The following KCNN1 variants were observed in gnomAD, a reference collection of about 807,000 sequenced individuals.
KCNN1 encodes the protein potassium calcium-activated channel subfamily N member 1, also known as small conductance calcium-activated potassium channel protein 1.
Under a neutral mutation model 44.7 loss-of-function variants are expected in KCNN1, and 20 were observed. The observed-to-expected ratio is 0.45, with a 90% CI of 0.32 to 0.65. The LOEUF (loss-of-function observed/expected upper bound fraction) is 0.65, where lower values mean the gene tolerates loss of function less well. Ranked by LOEUF, KCNN1 falls within the 30% of genes least tolerant of loss-of-function variation. KCNN1 has a pLI of 0.05. For missense variants in KCNN1, 632 were observed against 785.3 expected (o/e 0.80, Z 2.33); for synonymous variants, 324 against 341.7 (o/e 0.95, Z 0.57).
chr19:17,955,134 T>A (rs901591013), intron 2 of KCNN1, among the ~76,000 whole-genome samples: 1 of 147,052 alleles, frequency 6.8e-6, no homozygotes, highest in African/African-American at 2.5e-5. Flanking sequence ...TCCTAGCTAC[T>A]CGGAAGGCTA....
chr19:17,953,212 C>G (rs1287204692), intron 1 of KCNN1, among the ~76,000 whole-genome samples: 3 of 152,180 alleles, frequency 2.0e-5, no homozygotes, highest in African/African-American at 7.2e-5. Context: ...AAGACCTCAT[C>G]AAAGGAAATC....
At chr19:17,967,097 C>T, upstream of KCNN1, 1 of 980,500 alleles carries the variant, frequency 1.0e-6, no homozygotes, top group Non-Finnish European at 1.2e-6. Context: ...CCTTCTCTCC[C>T]GGCCCGGGCG....
At chr19:17,967,952 TG>T (rs1363538152) in intron 1 of KCNN1, among the ~76,000 whole-genome samples, 1 of 150,070 alleles carries the variant, frequency 6.7e-6, no homozygotes, top group Non-Finnish European at 1.5e-5. Flanking sequence ...CGGGTGGTGA[TG>T]GGGGGATCGG....
At chr19:17,991,027 CTGCT>C (rs1471083142) in intron 7 of KCNN1, among the ~76,000 whole-genome samples, 1 of 151,698 alleles carries the variant, frequency 6.6e-6, no homozygotes, top group Admixed American at 6.6e-5. Context: ...CCTCAAATGA[CTGCT>C]TGGTTGGGCA....
At chr19:17,964,293 G>C (rs1600006004), upstream of KCNN1, among the ~76,000 whole-genome samples, 1 of 152,232 alleles carries the variant, frequency 6.6e-6, no homozygotes, top group African/African-American at 2.4e-5. The surrounding 1 kb of genome is among the most constrained non-coding windows in gnomAD (Gnocchi z 4.3). Flanking sequence ...GGGGATGGAG[G>C]TGTAGGGAGA....
At chr19:17,975,754 T>C (rs2032186000) in intron 3 of KCNN1, among the ~76,000 whole-genome samples, 1 of 152,068 alleles carries the variant, frequency 6.6e-6, no homozygotes, top group African/African-American at 2.4e-5. Flanking sequence ...GGTCTCACTC[T>C]GTTGCCCAGG....
At chr19:17,953,707 C>G (rs962045541) in intron 1 of KCNN1, among the ~76,000 whole-genome samples, 3 of 152,148 alleles carry the variant, frequency 2.0e-5, no homozygotes, top group African/African-American at 7.2e-5. Flanking sequence ...TTTGGAAGGG[C>G]GAGGCAAGCT....
intron 4 of KCNN1, among the ~76,000 whole-genome samples, chr19:17,984,162 C>CAAAAAAAAA (rs527690149): frequency 7.2e-6 from 1 of 139,306 alleles, no homozygotes; most frequent in Non-Finnish European, 1.6e-5. Flanking sequence ...GATATTGTCT[C>CAAAAAAAAA]AAAAAAAAAA....
chr19:17,990,522 C>T (rs888257818), intron 7 of KCNN1, among the ~76,000 whole-genome samples: 10 of 151,120 alleles, frequency 6.6e-5, no homozygotes, highest in African/African-American at 2.2e-4. Context: ...AAAAAAAGGC[C>T]GGGCGCGGTG....
chr19:17,981,085 C>T (rs1339237289), intron 3 of KCNN1, among the ~76,000 whole-genome samples: 1 of 149,566 alleles, frequency 6.7e-6, no homozygotes, highest in Non-Finnish European at 1.5e-5. Context: ...GGCATGGTGG[C>T]AGGCACCTGT....
intron 3 of KCNN1, among the ~76,000 whole-genome samples, chr19:17,977,894 T>C (rs4808729): frequency 0.36 from 55,171 of 151,780 alleles, 10,336 homozygotes; most frequent in East Asian, 0.45. Flanking sequence ...GGCCACAAAT[T>C]GCATGCTTCC....
chr19:17,961,255 C>A (rs1320638063), intron 2 of KCNN1, among the ~76,000 whole-genome samples: 1 of 151,502 alleles, frequency 6.6e-6, no homozygotes, highest in African/African-American at 2.4e-5. Flanking sequence ...CACTATGACC[C>A]CCTCTTCATT....
Position 17,998,733 on chromosome 19 carries a change from A to G in KCNN1, c.*327A>G. ...GTGGCTGCCTGTGTGCATGGCTGGA[A>G]GGCACTGGTGATGTCCCAGGAGGTA... On this transcript the variant is annotated 3_prime_UTR_variant, in exon 10 of 10. Transcript: ENST00000684775. This position sits in a 1 kb window ranked among gnomAD's most constrained non-coding sequence, Gnocchi z 5.4. 3.7e-6 allele frequency: 1 copy of G among 268,880 alleles called. No individual in the cohort carries two copies. Among genetic ancestry groups the G allele is most frequent in the Non-Finnish European group, 7.0e-6 (1 of 142,634 alleles). 16.7% of individuals were successfully genotyped at this position (268,880 alleles called of 1,614,324 possible). A position where few individuals can be genotyped will look rare whatever the true frequency, so the allele number is the denominator to read the frequency against.
In KCNN1 at chr19:17,986,180, G is replaced by A. The variant is rs149053241; in HGVS notation, c.1059+727G>A. Among the ~76,000 whole-genome samples, 131 of 152,108 alleles carry A rather than the reference G, an allele frequency of 8.6e-4. 2 individuals carry two copies. In the East Asian group the frequency reaches 0.017, roughly 19 times the overall value. ...GGAGTTCAAGACCAGCCTGGCCAAC[G>A]TGGTGAGACCCAGTCTGTACTAAAA... On this transcript the variant is annotated intron_variant, in intron 5 of 9. Transcript: ENST00000684775.
At position 17,973,883 on chromosome 19, in the gene KCNN1, G is replaced by A. The variant is rs984726326; in HGVS notation, c.-6G>A. The A allele has an allele frequency of 2.6e-6, 4 of 1,550,466 alleles. No individual in the cohort carries two copies. The highest frequency in any genetic ancestry group is 2.7e-5 in the African/African-American group (2 of 73,188). ...CAGCGAGCCCAACCCCTGCACCCAG[G>A]TAGTCATGAACAGCCACAGCTACAA... On this transcript the variant is annotated 5_prime_UTR_variant, in exon 2 of 10. Coordinates refer to ENST00000684775, the MANE Select transcript of KCNN1 (RefSeq NM_001386974.1).
chr19:17,982,115 G>C lies in KCNN1; in HGVS notation c.905G>C (p.Arg302Pro). 1 of 1,567,550 alleles carries C rather than the reference G, an allele frequency of 6.4e-7. No individual in the cohort carries two copies. The highest frequency in any genetic ancestry group is 1.3e-5 in the African/African-American group (1 of 74,234). Residue 302 changes from arginine (R) to proline (P), a missense_variant, in exon 4 of 10, where the codon CGC becomes CCC. Arg to Pro is a moderately radical substitution (Grantham distance 103). Coordinates refer to ENST00000684775, the MANE Select transcript of KCNN1 (RefSeq NM_001386974.1). The part of the protein sequence containing the change: ...SSWIIAAWTV[R>P]VCERYHDKQE... ...TGGATCATCGCAGCCTGGACCGTGC[G>C]CGTCTGCGAGAGGTGCGACCGCCGC...
intron 3 of KCNN1, among the ~76,000 whole-genome samples, chr19:17,979,737 C>T (rs1409614282): frequency 6.6e-6 from 1 of 152,024 alleles, no homozygotes; most frequent in Non-Finnish European, 1.5e-5. Flanking sequence ...AACGCTTTGC[C>T]GATGTGCGAG....
chr19:17,971,310 G>A (rs2032015018), intron 1 of KCNN1, among the ~76,000 whole-genome samples: 1 of 152,140 alleles, frequency 6.6e-6, no homozygotes, highest in Non-Finnish European at 1.5e-5. Context: ...GGCACATGGG[G>A]GACCCCTAGT....
At position 17,988,430 on chromosome 19, in the gene KCNN1, G is replaced by A. The variant is rs1202217199; in HGVS notation, c.1075G>A (p.Ala359Thr). The A allele has an allele frequency of 4.3e-6, 7 of 1,612,612 alleles. No individual in the cohort carries two copies. The highest frequency in any genetic ancestry group is 1.3e-5 in the African/African-American group (1 of 74,898). ...LTGIMGAGCT[A>T]LVVAVVARKL... ...CTGCACACAGGGAGCTGGCTGTACC[G>A]CGCTCGTGGTGGCTGTGGTGGCTCG... The change falls in exon 6 of 10, where the codon GCG becomes ACG. Residue 359 changes from alanine to threonine, a missense_variant. Physicochemically the swap from Ala to Thr is moderately conservative, Grantham distance 58. Coordinates refer to ENST00000684775, the MANE Select transcript of KCNN1 (RefSeq NM_001386974.1).
Sources: gnomAD v4.1 joint callset for allele counts (sites outside exome capture counted in the v4.1 genomes callset) on GRCh38, gnomAD v4.1.1 for gene constraint, Gnocchi (gnomAD v3.1) non-coding constraint, MANE v1.5 for transcripts, NCBI Gene and HGNC (gene_info 2026-07-23, HGNC 2026-07-21) for gene names.